The following PCBP3 variants were observed in gnomAD, a reference collection of about 807,000 sequenced individuals.
The protein encoded by PCBP3 is poly(rC) binding protein 3, also known as poly(rC)-binding protein 3.
PCBP3 carries 25 observed loss-of-function variants against 52.7 expected under a neutral mutation model. The observed-to-expected ratio is 0.47, with a 90% CI of 0.35 to 0.66. The LOEUF (loss-of-function observed/expected upper bound fraction) is 0.66. PCBP3 is among the 30% of genes least tolerant of loss of function. The probability of loss-of-function intolerance (pLI) is 0.01; values close to 1 mark genes in which losing one functional copy is unlikely to be tolerated. For missense variants in PCBP3, 391 were observed against 490.3 expected (o/e 0.80, Z 1.91); for synonymous variants, 162 against 183.0 (o/e 0.89, Z 0.93).
In PCBP3 at chr21:45,941,702, T is replaced by C; in HGVS notation, c.1112T>C (p.Leu371Pro). The C allele has an allele frequency of 6.2e-7, 1 of 1,605,874 alleles. No individual in the cohort carries two copies. Among genetic ancestry groups the C allele is most frequent in the Non-Finnish European group, 8.5e-7 (1 of 1,176,180 alleles). Reference protein sequence around the residue: ...LTSEVTGMGTL With the variant: ...LTSEVTGMGTP ...TCCGAGGTCACCGGGATGGGCACGC[T>C]GTAATCCTACCCAGCACCCTTCCCC... The change falls in exon 18 of 18, where the codon CTG (leucine) becomes CCG (proline). Residue 371 changes from leucine (L) to proline (P), a missense_variant. Leu to Pro is a moderately conservative substitution (Grantham distance 98). Transcript: ENST00000681687.
chr21:45,658,987 T>G (rs567552723), intron 1 of PCBP3, among the ~76,000 whole-genome samples: 55 of 152,150 alleles, frequency 3.6e-4, no homozygotes, highest in Non-Finnish European at 7.2e-4. Flanking sequence ...TTTATTTCTG[T>G]AAGGTTGGTA....
At chr21:45,931,996 G>A (rs1011013020) in intron 15 of PCBP3, among the ~76,000 whole-genome samples, 5 of 151,822 alleles carry the variant, frequency 3.3e-5, no homozygotes, top group South Asian at 4.2e-4. Flanking sequence ...ATGCTGTCCC[G>A]AGATGAATGA....
chr21:45,927,210 A>G (rs1418840857), intron 13 of PCBP3, among the ~76,000 whole-genome samples: 2 of 121,326 alleles, frequency 1.6e-5, no homozygotes, highest in African/African-American at 6.0e-5. Context: ...AATGTGAAAT[A>G]GAAAAGACAG....
chr21:45,869,137 A>G (rs1298653470), intron 5 of PCBP3: 1 of 152,236 alleles, frequency 6.6e-6, no homozygotes, highest in Admixed American at 6.5e-5. Flanking sequence ...CTAAAATGCA[A>G]TAAAAACAAA....
chr21:45,813,203 AT>A (rs1326607783), intron 4 of PCBP3, among the ~76,000 whole-genome samples: 2 of 151,928 alleles, frequency 1.3e-5, no homozygotes, highest in Non-Finnish European at 2.9e-5. Context: ...CTGTTGTTTT[AT>A]TTTTAAGCTT....
intron 6 of PCBP3, among the ~76,000 whole-genome samples, chr21:45,897,542 C>T (rs773209538): frequency 5.3e-5 from 8 of 152,276 alleles, no homozygotes; most frequent in East Asian, 3.9e-4. Context: ...TGTTGTTCCC[C>T]GGCTTTTCCT....
chr21:45,924,127 G>A (rs1349149008), intron 13 of PCBP3, among the ~76,000 whole-genome samples: 1 of 102,206 alleles, frequency 9.8e-6, no homozygotes, highest in African/African-American at 4.8e-5. Context: ...GGTAGAAACA[G>A]CACACGTAAG....
At chr21:45,752,504 T>A (rs2087614024) in intron 3 of PCBP3, among the ~76,000 whole-genome samples, 1 of 152,122 alleles carries the variant, frequency 6.6e-6, no homozygotes, top group Non-Finnish European at 1.5e-5. Flanking sequence ...ACTTTTATTA[T>A]CCTTAACTTA....
chr21:45,799,388 A>G (rs1157365591), intron 4 of PCBP3, among the ~76,000 whole-genome samples: 1 of 152,184 alleles, frequency 6.6e-6, no homozygotes, highest in African/African-American at 2.4e-5. Context: ...GAGAGAGACC[A>G]TATTTACATA....
chr21:45,692,270 A>C (rs1439633641), intron 2 of PCBP3, among the ~76,000 whole-genome samples: 1 of 152,202 alleles, frequency 6.6e-6, no homozygotes, highest in Non-Finnish European at 1.5e-5. Context: ...AATCTAAAGT[A>C]AGTTGAAGGA....
At chr21:45,710,578 C>T (rs187985514) in intron 2 of PCBP3, among the ~76,000 whole-genome samples, 129 of 152,244 alleles carry the variant, frequency 8.5e-4, no homozygotes, top group African/African-American at 2.8e-3. Flanking sequence ...GCTGCTATAA[C>T]GACACATGCA....
intron 2 of PCBP3, among the ~76,000 whole-genome samples, chr21:45,715,275 A>G (rs542989898): frequency 6.6e-6 from 1 of 152,352 alleles, no homozygotes; most frequent in South Asian, 2.1e-4. Context: ...CATTTTTAAA[A>G]GAGATCCAAA....
Position 45,929,949 on chromosome 21 carries a change from G to A in PCBP3, c.750G>A (p.Gln250=), listed in dbSNP as rs1230825658. The A allele has an allele frequency of 6.2e-7, 1 of 1,613,930 alleles. No individual in the cohort carries two copies. Among genetic ancestry groups the A allele is most frequent in the East Asian group, 2.2e-5 (1 of 44,880 alleles). Residue 250 remains glutamine (Q), a synonymous_variant, in exon 14 of 18, where the codon CAG becomes CAA. Coordinates refer to ENST00000681687, the MANE Select transcript of PCBP3 (RefSeq NM_001384156.1). ...CCAAGCTCCACCAGTTGGCCATGCA[G>A]CAAACCCCCTTTCCTCCCCTCGGAC... ...QLTKLHQLAM[Q]QTPFPPLGQT...
intron 6 of PCBP3, among the ~76,000 whole-genome samples, chr21:45,897,046 C>A (rs934443321): frequency 1.3e-5 from 2 of 152,220 alleles, no homozygotes; most frequent in Admixed American, 1.3e-4. Flanking sequence ...GTAGGAAAGG[C>A]GGACATGGCA....
At chr21:45,825,358 C>A (rs2093278619) in intron 4 of PCBP3, among the ~76,000 whole-genome samples, 1 of 152,150 alleles carries the variant, frequency 6.6e-6, no homozygotes, top group East Asian at 1.9e-4. Flanking sequence ...CCCTGATCGT[C>A]ATCTCTTAGG....
chr21:45,925,123 G>A (rs550763766), intron 13 of PCBP3, among the ~76,000 whole-genome samples: 3 of 108,082 alleles, frequency 2.8e-5, no homozygotes, highest in East Asian at 4.4e-4. Flanking sequence ...AACAGCACAC[G>A]TAAGATCGGG....
chr21:45,665,544 C>T (rs577631645), intron 1 of PCBP3, among the ~76,000 whole-genome samples: 15 of 152,224 alleles, frequency 9.9e-5, no homozygotes, highest in African/African-American at 2.2e-4. Context: ...TCCAAACATA[C>T]GACCTTCCAA....
rs8134280 is a variant in PCBP3, at chr21:45,845,091, T to C, written c.-125-4870T>C. Among the ~76,000 whole-genome samples the C allele has an allele frequency of 5.3e-3, 808 of 152,296 alleles. 4 individuals carry two copies. Among genetic ancestry groups the C allele is most frequent in the African/African-American group, 0.018 (756 of 41,562 alleles). Reference sequence around the variant, plus strand: ...CCCTAAAAGGACCATACCTGGATTCTCAAGGAGTCCACCTCCGGAGGGGTC... The same window carrying C: ...CCCTAAAAGGACCATACCTGGATTCCCAAGGAGTCCACCTCCGGAGGGGTC... On this transcript the variant is annotated intron_variant, in intron 4 of 17. Transcript: ENST00000681687.
At chr21:45,913,284 T>A (rs935625612) in intron 11 of PCBP3, among the ~76,000 whole-genome samples, 1 of 152,278 alleles carries the variant, frequency 6.6e-6, no homozygotes, top group African/African-American at 2.4e-5. Context: ...CTGGAGTCTA[T>A]AAGCACTTTA....
Sources: gnomAD v4.1 joint callset for allele counts (sites outside exome capture counted in the v4.1 genomes callset) on GRCh38, gnomAD v4.1.1 for gene constraint, MANE v1.5 for transcripts, NCBI Gene and HGNC (gene_info 2026-07-23, HGNC 2026-07-21) for gene names.